The following XPO6 variants were observed in gnomAD, a reference collection of about 807,000 sequenced individuals.
XPO6 encodes exportin-6.
Under a neutral mutation model 130.0 loss-of-function variants are expected in XPO6, and 3 were observed. The ratio of observed to expected loss-of-function variants is 0.02; its 90% confidence interval spans 0.01 to 0.06. XPO6 has a LOEUF of 0.06. XPO6 is among the 10% of genes least tolerant of loss of function. The probability of loss-of-function intolerance (pLI) is 1.00; values close to 1 mark genes in which losing one functional copy is unlikely to be tolerated. For missense variants in XPO6, 970 were observed against 1,393.0 expected, an observed-to-expected ratio of 0.70 and a Z score of 4.83; for synonymous variants, 524 against 548.9, an observed-to-expected ratio of 0.95 and a Z score of 0.63.
intron 1 of XPO6, among the ~76,000 whole-genome samples, chr16:28,208,422 AAC>A (rs2044068591): frequency 6.6e-6 from 1 of 152,210 alleles, no homozygotes; most frequent in South Asian, 2.1e-4. Flanking sequence ...CCAGCCAGGC[AAC>A]AGTTTCCTTA....
intron 1 of XPO6, among the ~76,000 whole-genome samples, chr16:28,197,964 T>TTAA (rs1484367777): frequency 3.6e-5 from 1 of 27,622 alleles, no homozygotes; most frequent in Non-Finnish European, 1.1e-4. Context: ...CTAAGTTTAT[T>TTAA]AAAAAAAAAA....
chr16:28,166,593 G>T lies in XPO6; in HGVS notation c.566-8C>A, dbSNP rs1468252395. The T allele has an allele frequency of 7.6e-6, 12 of 1,575,122 alleles. No homozygotes were observed. The highest frequency in any genetic ancestry group is 1.8e-5 in the Admixed American group (1 of 54,288). On this transcript the variant is annotated splice_polypyrimidine_tract_variant and splice_region_variant and intron_variant, in intron 5 of 23. Transcript: ENST00000304658. ...AGACAGTCTCCAAGATACCTACCAA[G>T]AAAGGAGAAACAGAGTTATAAGAGA...
chr16:28,112,589 T>C (rs2086953713), intron 16 of XPO6, among the ~76,000 whole-genome samples: 1 of 152,258 alleles, frequency 6.6e-6, no homozygotes, highest in South Asian at 2.1e-4. Context: ...AAAACCAGAC[T>C]GCTTTGAATC....
intron 1 of XPO6, among the ~76,000 whole-genome samples, chr16:28,188,759 C>T (rs1486302786): frequency 6.8e-6 from 1 of 148,000 alleles, no homozygotes; most frequent in Non-Finnish European, 1.5e-5. Flanking sequence ...AAATACTAAG[C>T]TTAAAATAAC....
chr16:28,163,958 A>T (rs2043317195), intron 6 of XPO6, among the ~76,000 whole-genome samples: 1 of 152,214 alleles, frequency 6.6e-6, no homozygotes. Flanking sequence ...CAGCCAGTTT[A>T]GGAGTTAAGG....
intron 15 of XPO6, among the ~76,000 whole-genome samples, chr16:28,115,061 T>C (rs2087020544): frequency 6.6e-6 from 1 of 152,220 alleles, no homozygotes; most frequent in South Asian, 2.1e-4. Context: ...CATCTGCAGT[T>C]ACTTTCTTTA....
intron 6 of XPO6, among the ~76,000 whole-genome samples, chr16:28,164,488 G>C (rs574662981): frequency 1.6e-4 from 25 of 151,936 alleles, no homozygotes; most frequent in African/African-American, 6.0e-4. Context: ...TTTTTTAAAG[G>C]GGAACTTTAC....
At position 28,124,761 on chromosome 16, in the gene XPO6, T is replaced by C. The variant is rs2087350011; in HGVS notation, c.1766+928A>G. Among the ~76,000 whole-genome samples the C allele has an allele frequency of 3.3e-5, 5 of 152,214 alleles. No homozygotes were observed. In the South Asian group the frequency reaches 1.0e-3, roughly 32 times the overall value. On this transcript the variant is annotated intron_variant, in intron 13 of 23. Coordinates refer to ENST00000304658, the MANE Select transcript of XPO6 (RefSeq NM_015171.4). ...TTTTATTATTAATATGAATCTGGCT[T>C]TTAAGGGATTTAAGCCCCTTGGCTA...
intron 12 of XPO6, among the ~76,000 whole-genome samples, chr16:28,129,417 C>T (rs938619552): frequency 1.3e-5 from 2 of 152,144 alleles, no homozygotes; most frequent in Non-Finnish European, 2.9e-5. Context: ...GATTTCCCCC[C>T]AAAAGCACAG....
chr16:28,193,922 C>G (rs2043820777), intron 1 of XPO6, among the ~76,000 whole-genome samples: 1 of 152,156 alleles, frequency 6.6e-6, no homozygotes, highest in South Asian at 2.1e-4. Context: ...GGCCCTTCCA[C>G]CCCCAACAGG....
At chr16:28,138,014 T>G (rs2042813996) in intron 9 of XPO6, among the ~76,000 whole-genome samples, 1 of 152,066 alleles carries the variant, frequency 6.6e-6, no homozygotes, top group Admixed American at 6.6e-5. Flanking sequence ...CCCAACTGTA[T>G]GCAAACGACT....
intron 8 of XPO6, among the ~76,000 whole-genome samples, chr16:28,150,227 T>C (rs1274867489): frequency 1.3e-5 from 2 of 152,156 alleles, no homozygotes; most frequent in Non-Finnish European, 2.9e-5. Context: ...AGGAAGGTCC[T>C]CATACAGGAG....
chr16:28,152,756 C>T lies in XPO6; in HGVS notation c.1127G>A (p.Arg376Gln), dbSNP rs1057418870. ...SYIEKFTDFL[R>Q]LFVSVHLRRI... ...TCTTAGGTGAACACTCACAAAGAGC[C>T]GAAGAAAGTCAGTAAACTTCTCGAT... Residue 376 changes from arginine to glutamine, a missense_variant, in exon 8 of 24, where the codon CGG (arginine) becomes CAG (glutamine). Arg to Gln is a conservative substitution (Grantham distance 43). This residue lies in a region of XPO6 where 936 missense variants were observed against 1,306.8 expected (regional missense o/e 0.72). Coordinates refer to ENST00000304658, the MANE Select transcript of XPO6 (RefSeq NM_015171.4). The T allele has an allele frequency of 1.9e-6, 3 of 1,612,838 alleles. No homozygotes were observed. The highest frequency in any genetic ancestry group is 8.5e-7 in the Non-Finnish European group (1 of 1,179,578).
At chr16:28,168,931 A>G (rs1485201742) in intron 5 of XPO6, among the ~76,000 whole-genome samples, 1 of 152,074 alleles carries the variant, frequency 6.6e-6, no homozygotes, top group African/African-American at 2.4e-5. Flanking sequence ...ACTTTAAATC[A>G]ATGGTTCTTT....
At chr16:28,113,738 C>T (rs1180203673) in intron 15 of XPO6, among the ~76,000 whole-genome samples, 1 of 152,082 alleles carries the variant, frequency 6.6e-6, no homozygotes, top group African/African-American at 2.4e-5. Context: ...AAGAAGATTA[C>T]CTAAAAGGGT....
At chr16:28,102,634 A>C (rs946493686) in intron 21 of XPO6, among the ~76,000 whole-genome samples, 2 of 152,214 alleles carry the variant, frequency 1.3e-5, no homozygotes, top group African/African-American at 4.8e-5. Context: ...GCTACTCGGG[A>C]GGCTGAGGCA....
Position 28,188,616 on chromosome 16 carries a change from T to C in XPO6, c.4-7585A>G, listed in dbSNP as rs1293665118. Among the ~76,000 whole-genome samples, 4 of 125,352 alleles carry C rather than the reference T, an allele frequency of 3.2e-5. No individual in the cohort carries two copies. The East Asian group carries it at 7.4e-4, about 23-fold the overall frequency. The allele number at this position is 125,352 out of a possible 152,430, so 82.2% of individuals were successfully genotyped here. On this transcript the variant is annotated intron_variant, in intron 1 of 23. Coordinates refer to ENST00000304658, the MANE Select transcript of XPO6 (RefSeq NM_015171.4). ...TCTCTGAAAGCTAACAGGATTACCA[T>C]AGATGTCTAAACTCTCAGATCATCA...
At chr16:28,182,674 AT>A (rs919362954) in intron 1 of XPO6, among the ~76,000 whole-genome samples, 1 of 152,156 alleles carries the variant, frequency 6.6e-6, no homozygotes, top group African/African-American at 2.4e-5. Context: ...AAAACTATCT[AT>A]TTTTTCAAAC....
chr16:28,205,896 G>A (rs2044020636), intron 1 of XPO6, among the ~76,000 whole-genome samples: 1 of 151,890 alleles, frequency 6.6e-6, no homozygotes, highest in African/African-American at 2.4e-5. Flanking sequence ...AAATTATTCA[G>A]GCATGGTGGT....
Sources: gnomAD v4.1 joint callset for allele counts (sites outside exome capture counted in the v4.1 genomes callset) on GRCh38, gnomAD v4.1.1 for gene constraint, gnomAD v4.1.1 regional missense constraint, MANE v1.5 for transcripts, NCBI Gene and HGNC (gene_info 2026-07-23, HGNC 2026-07-21) for gene names.